Variants in FRMD6 observed in about 807,000 individuals in gnomAD.
FRMD6 encodes FERM domain-containing protein 6.
A neutral mutation model predicts 73.2 loss-of-function variants in FRMD6; 37 were observed. The observed-to-expected ratio is 0.51, with a 90% CI of 0.39 to 0.66. The LOEUF (loss-of-function observed/expected upper bound fraction) is 0.66. Among genes scored for constraint, FRMD6 ranks in the 30% least tolerant of loss-of-function variants. The pLI, the probability that FRMD6 is intolerant of heterozygous loss-of-function variation, is 0.00. For synonymous variants in FRMD6, 273 were observed against 282.2 expected (o/e 0.97, Z 0.33); for missense variants, 714 against 780.5 (o/e 0.91, Z 1.02).
At chr14:51,434,774 A>G in the FRMD6 span, among the ~76,000 whole-genome samples, 2 of 152,200 alleles carry the variant, frequency 1.3e-5, no homozygotes, top group Non-Finnish European at 2.9e-5. Flanking sequence ...TCTTTTTGGT[A>G]GAAAAACCTG....
chr14:51,715,375 C>G lies in FRMD6; in HGVS notation c.900C>G (p.Leu300=). The change falls in exon 10 of 14, where the codon CTC becomes CTG. Residue 300 remains leucine, a synonymous_variant. Transcript: ENST00000344768. ...ATGGCTTGCCTTCTGCCCGGAAGCTCATATACTACACGGGGTGCCCCATGC... is the reference window on the plus strand; with the variant it reads ...ATGGCTTGCCTTCTGCCCGGAAGCTGATATACTACACGGGGTGCCCCATGC... ...LPDGLPSARK[L]IYYTGCPMRS... is the part of the protein sequence containing the mutation. The G allele has an allele frequency of 6.2e-7, 1 of 1,611,942 alleles. No homozygotes were observed. Among genetic ancestry groups the G allele is most frequent in the Non-Finnish European group, 8.5e-7 (1 of 1,178,840 alleles).
chr14:51,401,976 C>T, the FRMD6 span, among the ~76,000 whole-genome samples: 2 of 152,180 alleles, frequency 1.3e-5, no homozygotes, highest in African/African-American at 4.8e-5. Context: ...GCTGGACAAA[C>T]AGCCAGAGCC....
intron 2 of FRMD6, among the ~76,000 whole-genome samples, chr14:51,586,459 T>C (rs1321536964): frequency 1.3e-5 from 2 of 152,204 alleles, no homozygotes; most frequent in Non-Finnish European, 2.9e-5. Flanking sequence ...TTGGAATTCC[T>C]TACGGATTCT....
intron 1 of FRMD6, among the ~76,000 whole-genome samples, chr14:51,668,192 C>CT (rs546828772): frequency 2.0e-5 from 3 of 152,032 alleles, no homozygotes; most frequent in Non-Finnish European, 4.4e-5. Flanking sequence ...GAAAAATACT[C>CT]TATTAATTTA....
the FRMD6 span, among the ~76,000 whole-genome samples, chr14:51,419,843 C>T: frequency 2.0e-5 from 3 of 152,246 alleles, no homozygotes; most frequent in African/African-American, 7.2e-5. Context: ...ACTTCCTTCC[C>T]TCATTTGGTA....
At chr14:51,425,717 A>G in the FRMD6 span, among the ~76,000 whole-genome samples, 1 of 152,194 alleles carries the variant, frequency 6.6e-6, no homozygotes, top group Non-Finnish European at 1.5e-5. Flanking sequence ...TTGCCTGCAC[A>G]GATAACCTAC....
intron 2 of FRMD6, among the ~76,000 whole-genome samples, chr14:51,615,393 T>G (rs1890670820): frequency 6.6e-6 from 1 of 152,214 alleles, no homozygotes; most frequent in East Asian, 1.9e-4. Flanking sequence ...TGTATTAGAT[T>G]TGTTTATAAA....
chr14:51,673,156 G>A (rs1170991936), intron 1 of FRMD6, among the ~76,000 whole-genome samples: 1 of 152,134 alleles, frequency 6.6e-6, no homozygotes, highest in Non-Finnish European at 1.5e-5. Flanking sequence ...AAATATTATA[G>A]GGTTTCTCCT....
chr14:51,452,145 A>G, the FRMD6 span, among the ~76,000 whole-genome samples: 4 of 152,236 alleles, frequency 2.6e-5, no homozygotes. Flanking sequence ...CAAAACTGGC[A>G]AGAGATGATC....
chr14:51,680,911 C>T (rs1418307371), intron 1 of FRMD6, among the ~76,000 whole-genome samples: 3 of 152,058 alleles, frequency 2.0e-5, no homozygotes, highest in Admixed American at 6.6e-5. Flanking sequence ...CTTATCCATT[C>T]GCTGCAAGTG....
chr14:51,437,911 G>A, the FRMD6 span, among the ~76,000 whole-genome samples: 19 of 152,350 alleles, frequency 1.2e-4, no homozygotes, highest in African/African-American at 4.1e-4. Flanking sequence ...GAAGCTGGAA[G>A]TTGTGAGGCC....
intron 1 of FRMD6, among the ~76,000 whole-genome samples, chr14:51,514,658 G>C (rs1884517598): frequency 6.6e-6 from 1 of 152,174 alleles, no homozygotes; most frequent in Admixed American, 6.5e-5. Context: ...GACCAGCCTG[G>C]TCAATATGAT....
At position 51,676,881 on chromosome 14, in the gene FRMD6, C is replaced by T. The variant is rs182429426; in HGVS notation, c.-146-12810C>T. Among the ~76,000 whole-genome samples, 113 of 152,244 alleles carry T rather than the reference C, an allele frequency of 7.4e-4. 1 individual carries two copies. The highest frequency in any genetic ancestry group is 5.9e-3 in the Admixed American group (90 of 15,282). ...TTTGCCTTTCTTTAGTTTTATCACA[C>T]ATATATATGTATCCCTAAATGAATC... On this transcript the variant is annotated intron_variant, in intron 1 of 13. Coordinates refer to ENST00000344768, the MANE Select transcript of FRMD6 (RefSeq NM_001267046.2).
At chr14:51,552,098 G>A in intron 1 of FRMD6, among the ~76,000 whole-genome samples, 1 of 152,150 alleles carries the variant, frequency 6.6e-6, no homozygotes, top group Non-Finnish European at 1.5e-5. Flanking sequence ...ATATCCTAAT[G>A]TAATTTTTGT....
At chr14:51,674,796 T>C (rs1294953234) in intron 1 of FRMD6, among the ~76,000 whole-genome samples, 3 of 151,976 alleles carry the variant, frequency 2.0e-5, no homozygotes, top group African/African-American at 7.3e-5. Context: ...TTTGGTAATA[T>C]GGAGGGGGAC....
chr14:51,556,436 C>G (rs1441929989), intron 1 of FRMD6, among the ~76,000 whole-genome samples: 1 of 152,160 alleles, frequency 6.6e-6, no homozygotes, highest in African/African-American at 2.4e-5. Flanking sequence ...TAGGTGAGAG[C>G]CTTAATCATC....
upstream of FRMD6, among the ~76,000 whole-genome samples, chr14:51,487,942 C>T (rs1416591286): frequency 6.6e-6 from 1 of 152,154 alleles, no homozygotes. Flanking sequence ...CTGAAATGGG[C>T]TTAAGGAGAT....
At chr14:51,419,179 G>T in the FRMD6 span, among the ~76,000 whole-genome samples, 1 of 152,204 alleles carries the variant, frequency 6.6e-6, no homozygotes, top group Non-Finnish European at 1.5e-5. Flanking sequence ...CCCTCTGTGG[G>T]CTGTGCCCAC....
At chr14:51,657,826 A>G (rs956294752) in intron 1 of FRMD6, among the ~76,000 whole-genome samples, 1 of 151,982 alleles carries the variant, frequency 6.6e-6, no homozygotes, top group African/African-American at 2.4e-5. Flanking sequence ...TATACCAACT[A>G]GATATCACCA....
Sources: allele counts gnomAD v4.1 joint callset (sites outside exome capture counted in the v4.1 genomes callset), GRCh38; gene constraint gnomAD v4.1.1; transcripts MANE v1.5; gene names NCBI Gene and HGNC (gene_info 2026-07-23, HGNC 2026-07-21).